HORMAD2: variants seen among roughly 807,000 people sequenced by gnomAD.
The protein encoded by HORMAD2 is HORMA domain-containing protein 2.
A neutral mutation model predicts 38.8 loss-of-function variants in HORMAD2; 45 were observed. The observed-to-expected ratio is 1.16, with a 90% CI of 0.91 to 1.49. HORMAD2 has a LOEUF of 1.49. HORMAD2 is among the 40% of genes most tolerant of loss of function. The pLI is 0.00. For synonymous variants in HORMAD2, 126 were observed against 122.8 expected (o/e 1.03, Z -0.17); for missense variants, 338 against 367.0 (o/e 0.92, Z 0.65).
chr22:30,163,580 C>T lies in HORMAD2; in HGVS notation c.820-12483C>T, dbSNP rs1408430264. On this transcript the variant is annotated intron_variant, in intron 10 of 10. Coordinates refer to ENST00000336726, the MANE Select transcript of HORMAD2 (RefSeq NM_152510.4). Reference sequence around the variant, plus strand: ...TAGCTGGGATTACAGGCATGTACCACCACGCCCAGCTAATTTTTTGTATTT... The same window carrying T: ...TAGCTGGGATTACAGGCATGTACCATCACGCCCAGCTAATTTTTTGTATTT... Among the ~76,000 whole-genome samples, 9 of 152,140 alleles carry T rather than the reference C, an allele frequency of 5.9e-5. No individual in the cohort carries two copies. In the East Asian group the frequency reaches 1.5e-3, roughly 26 times the overall value.
At chr22:30,090,689 C>G (rs1467083618) in intron 1 of HORMAD2, among the ~76,000 whole-genome samples, 1 of 152,198 alleles carries the variant, frequency 6.6e-6, no homozygotes, top group Non-Finnish European at 1.5e-5. Flanking sequence ...TTCTCCACAT[C>G]CTTACCAACT....
chr22:30,120,852 A>G (rs1922374801), intron 8 of HORMAD2, among the ~76,000 whole-genome samples: 1 of 152,208 alleles, frequency 6.6e-6, no homozygotes, highest in Non-Finnish European at 1.5e-5. Context: ...AGCACAGTAC[A>G]AGCAAAGTGA....
intron 10 of HORMAD2, among the ~76,000 whole-genome samples, chr22:30,163,413 GC>G (rs1302395659): frequency 6.6e-6 from 1 of 152,044 alleles, no homozygotes; most frequent in African/African-American, 2.4e-5. Flanking sequence ...TAAATCATGT[GC>G]TGATTTTCTT....
At chr22:30,133,470 T>TAC (rs1030821104) in intron 10 of HORMAD2, among the ~76,000 whole-genome samples, 12 of 148,738 alleles carry the variant, frequency 8.1e-5, no homozygotes, top group Admixed American at 1.3e-4. Flanking sequence ...TATATACATA[T>TAC]ATATATAATA....
At chr22:30,183,796 A>G in the HORMAD2 span, among the ~76,000 whole-genome samples, 1 of 152,212 alleles carries the variant, frequency 6.6e-6, no homozygotes, top group Non-Finnish European at 1.5e-5. Context: ...TAGTAGGTTG[A>G]TATAGAAGGA....
intron 10 of HORMAD2, among the ~76,000 whole-genome samples, chr22:30,152,982 GT>G (rs1924845964): frequency 1.3e-5 from 2 of 152,198 alleles, no homozygotes; most frequent in South Asian, 4.2e-4. Context: ...TGTGCTTTGA[GT>G]TAACACTGTC....
At chr22:30,130,586 C>CTTTTTTTTTTTTT (rs66636269) in intron 10 of HORMAD2, among the ~76,000 whole-genome samples, 7 of 87,870 alleles carry the variant, frequency 8.0e-5, no homozygotes, top group South Asian at 4.1e-4. Context: ...CTTTTCTTTT[C>CTTTTTTTTTTTTT]TTTTTTTTTT....
chr22:30,171,494 A>C (rs930570446), intron 10 of HORMAD2, among the ~76,000 whole-genome samples: 2 of 152,062 alleles, frequency 1.3e-5, no homozygotes, highest in South Asian at 4.2e-4. Flanking sequence ...TGCCAAATAT[A>C]TCTCTCAATT....
chr22:30,104,345 A>G (rs1486790688), intron 4 of HORMAD2, 56 bp from the exon 5 acceptor site: 2 of 1,443,686 alleles, frequency 1.4e-6, no homozygotes, highest in Non-Finnish European at 1.9e-6. Flanking sequence ...CTGTACTTGG[A>G]ATTTTTTTGG....
the HORMAD2 span, among the ~76,000 whole-genome samples, chr22:30,206,420 A>G: frequency 6.6e-6 from 1 of 151,932 alleles, no homozygotes; most frequent in Non-Finnish European, 1.5e-5. Flanking sequence ...AGCCTCCCAA[A>G]GTGCTGGGAT....
chr22:30,200,261 G>A, the HORMAD2 span, among the ~76,000 whole-genome samples: 5 of 152,042 alleles, frequency 3.3e-5, no homozygotes, highest in African/African-American at 1.2e-4. Context: ...TCTCACTGGG[G>A]TTTTTATTGG....
intron 10 of HORMAD2, among the ~76,000 whole-genome samples, chr22:30,127,145 C>A (rs1291879178): frequency 2.8e-5 from 4 of 142,406 alleles, no homozygotes; most frequent in Non-Finnish European, 6.1e-5. Context: ...TTGTGAATAT[C>A]TTCTTCAACC....
At chr22:30,168,347 C>T (rs1266148629) in intron 10 of HORMAD2, among the ~76,000 whole-genome samples, 2 of 152,188 alleles carry the variant, frequency 1.3e-5, no homozygotes, top group Non-Finnish European at 2.9e-5. Flanking sequence ...TTCCTTCGGA[C>T]CTCAGAAGAA....
the HORMAD2 span, among the ~76,000 whole-genome samples, chr22:30,197,537 A>G: frequency 1.3e-5 from 2 of 152,286 alleles, no homozygotes; most frequent in Non-Finnish European, 2.9e-5. Flanking sequence ...TAAAAAAGGC[A>G]CAAGTATAAC....
At chr22:30,102,403 T>A (rs1293615361) in intron 3 of HORMAD2, among the ~76,000 whole-genome samples, 1 of 152,234 alleles carries the variant, frequency 6.6e-6, no homozygotes, top group Non-Finnish European at 1.5e-5. Flanking sequence ...TCCCTTTCAA[T>A]GTTTGTTCTT....
the HORMAD2 span, among the ~76,000 whole-genome samples, chr22:30,202,089 G>A: frequency 1.3e-5 from 2 of 152,134 alleles, no homozygotes; most frequent in South Asian, 2.1e-4. Flanking sequence ...TTTACTAAGG[G>A]CAGTGAACTT....
intron 1 of HORMAD2, among the ~76,000 whole-genome samples, chr22:30,082,809 AG>A (rs1318125168): frequency 3.1e-4 from 46 of 150,648 alleles, no homozygotes; most frequent in African/African-American, 9.8e-4. Context: ...AAAAAAAAAA[AG>A]AAAAGAAAAG....
At chr22:30,082,299 G>C (rs1246398909) in intron 1 of HORMAD2, among the ~76,000 whole-genome samples, 1 of 152,124 alleles carries the variant, frequency 6.6e-6, no homozygotes, top group African/African-American at 2.4e-5. Flanking sequence ...GAGAAAGATG[G>C]GTAGAGAGCC....
In HORMAD2 at chr22:30,138,770, A is replaced by C. The variant is rs148021008; in HGVS notation, c.819+16556A>C. Among the ~76,000 whole-genome samples the C allele has an allele frequency of 6.0e-3, 919 of 152,264 alleles. 8 individuals are homozygous for C. The highest frequency in any genetic ancestry group is 0.021 in the African/African-American group (873 of 41,544). On this transcript the variant is annotated intron_variant, in intron 10 of 10. Coordinates refer to ENST00000336726, the MANE Select transcript of HORMAD2 (RefSeq NM_152510.4). The stretch of plus-strand genomic sequence containing the variant: ...GAAAAGAATAAAATACTTGGGAATA[A>C]ATTTTCATCTTTGTATTATTCATTG...
Sources: gnomAD v4.1 joint callset for allele counts (sites outside exome capture counted in the v4.1 genomes callset) on GRCh38, gnomAD v4.1.1 for gene constraint, MANE v1.5 for transcripts, NCBI Gene and HGNC (gene_info 2026-07-23, HGNC 2026-07-21) for gene names.